Variants in LRP1B observed in about 807,000 individuals in gnomAD.
The protein encoded by LRP1B is low-density lipoprotein receptor-related protein 1B.
Under a neutral mutation model 556.6 loss-of-function variants are expected in LRP1B, and 217 were observed. The observed-to-expected ratio is 0.39, with a 90% CI of 0.35 to 0.44. The LOEUF is 0.44. LRP1B is among the 20% of genes least tolerant of loss of function. The probability of loss-of-function intolerance (pLI) is 1.00; values close to 1 mark genes in which losing one functional copy is unlikely to be tolerated. For synonymous variants in LRP1B, 2,047 were observed against 1,865.8 expected, an observed-to-expected ratio of 1.10 and a Z score of -2.50; for missense variants, 5,053 against 5,620.8, an observed-to-expected ratio of 0.90 and a Z score of 3.23.
chr2:140,684,521 G>A (rs1291426181), intron 41 of LRP1B, among the ~76,000 whole-genome samples: 3 of 152,124 alleles, frequency 2.0e-5, no homozygotes, highest in South Asian at 2.1e-4. Flanking sequence ...TAGCCCATCC[G>A]AATCCCAGTT....
chr2:141,468,838 G>A (rs1310693234), intron 3 of LRP1B, among the ~76,000 whole-genome samples: 2 of 152,090 alleles, frequency 1.3e-5, no homozygotes, highest in South Asian at 2.1e-4. Flanking sequence ...GCTCTTTAGG[G>A]CTTGTCCTTC....
intron 17 of LRP1B, among the ~76,000 whole-genome samples, chr2:140,986,447 A>G (rs1271104987): frequency 6.6e-6 from 1 of 152,144 alleles, no homozygotes; most frequent in Non-Finnish European, 1.5e-5. Flanking sequence ...AAGATAGAAA[A>G]TCAATTCACA....
At chr2:140,700,703 T>C (rs1302513914) in intron 40 of LRP1B, 82 bp from the exon 41 acceptor site, 1 of 1,423,254 alleles carries the variant, frequency 7.0e-7, no homozygotes, top group Non-Finnish European at 9.6e-7. Context: ...TAAAGAAATA[T>C]TAAAACTTTG....
At chr2:141,091,631 G>T (rs1485516595) in intron 7 of LRP1B, among the ~76,000 whole-genome samples, 1 of 152,164 alleles carries the variant, frequency 6.6e-6, no homozygotes, top group African/African-American at 2.4e-5. Context: ...ACCTGTCCAG[G>T]TTTGGGTCCT....
intron 1 of LRP1B, among the ~76,000 whole-genome samples, chr2:141,834,829 G>T (rs943416376): frequency 6.6e-6 from 1 of 151,914 alleles, no homozygotes; most frequent in Non-Finnish European, 1.5e-5. Context: ...GTGAACTCAA[G>T]AAGCAATGTA....
intron 51 of LRP1B, among the ~76,000 whole-genome samples, chr2:140,512,270 T>G (rs1689700759): frequency 6.6e-6 from 1 of 152,176 alleles, no homozygotes; most frequent in African/African-American, 2.4e-5. Flanking sequence ...CAGCTAATTT[T>G]CTGGCTCCCT....
chr2:140,357,848 G>A (rs535061889), intron 74 of LRP1B, 131 bp downstream of exon 74: 12 of 1,046,316 alleles, frequency 1.1e-5, no homozygotes, highest in South Asian at 1.0e-4. Flanking sequence ...CTTTGGCAAA[G>A]GTTTTTGAAA....
intron 3 of LRP1B, among the ~76,000 whole-genome samples, chr2:141,458,921 AT>A (rs1681743970): frequency 6.6e-6 from 1 of 152,140 alleles, no homozygotes; most frequent in African/African-American, 2.4e-5. Context: ...CTTATTTCCC[AT>A]TTTTATGCAC....
intron 2 of LRP1B, among the ~76,000 whole-genome samples, chr2:141,720,676 T>C (rs572160267): frequency 4.6e-4 from 70 of 152,242 alleles, no homozygotes; most frequent in Admixed American, 2.9e-3. Flanking sequence ...TCAAGCTGCA[T>C]TTTCATTACA....
At chr2:140,935,524 C>T (rs765015599) in intron 20 of LRP1B, among the ~76,000 whole-genome samples, 2 of 151,942 alleles carry the variant, frequency 1.3e-5, no homozygotes, top group African/African-American at 2.4e-5. Context: ...GAAAACTGAA[C>T]ACAGTATAAG....
At chr2:141,368,365 G>C (rs558192838) in intron 3 of LRP1B, among the ~76,000 whole-genome samples, 8 of 152,140 alleles carry the variant, frequency 5.3e-5, no homozygotes, top group Non-Finnish European at 1.2e-4. Flanking sequence ...AGAATGCAAA[G>C]CACTGAAAAC....
chr2:140,607,242 T>A (rs1357778537), intron 41 of LRP1B, among the ~76,000 whole-genome samples: 3 of 152,122 alleles, frequency 2.0e-5, no homozygotes, highest in Non-Finnish European at 4.4e-5. Flanking sequence ...CACTTGATAT[T>A]CATTATGACG....
At chr2:140,662,233 T>C (rs1294779237) in intron 41 of LRP1B, among the ~76,000 whole-genome samples, 1 of 152,032 alleles carries the variant, frequency 6.6e-6, no homozygotes, top group Non-Finnish European at 1.5e-5. Context: ...ACTACATTTG[T>C]ATGAGGTATT....
chr2:140,601,671 C>G (rs762853208), intron 41 of LRP1B, 32 bp from the exon 42 acceptor site: 1 of 1,463,552 alleles, frequency 6.8e-7, no homozygotes, highest in East Asian at 2.4e-5. Flanking sequence ...AAAATATATA[C>G]TTTTATTTAC....
intron 3 of LRP1B, among the ~76,000 whole-genome samples, chr2:141,459,433 T>TG (rs992842847): frequency 1.9e-4 from 29 of 152,194 alleles, no homozygotes; most frequent in African/African-American, 5.8e-4. Flanking sequence ...GGCTGAATTG[T>TG]GGGTGCAGGC....
chr2:141,512,404 C>A, intron 2 of LRP1B, among the ~76,000 whole-genome samples: 1 of 152,084 alleles, frequency 6.6e-6, no homozygotes, highest in East Asian at 1.9e-4. Flanking sequence ...GTGAGCAGAC[C>A]TTATACACAT....
intron 11 of LRP1B, 68 bp downstream of exon 11, chr2:141,048,918 A>T: frequency 8.2e-7 from 1 of 1,216,998 alleles, no homozygotes; most frequent in East Asian, 2.3e-5. Flanking sequence ...TCTGACACAC[A>T]CTGGATTTAT....
chr2:141,704,154 G>T (rs1692054916), intron 2 of LRP1B, among the ~76,000 whole-genome samples: 1 of 151,870 alleles, frequency 6.6e-6, no homozygotes, highest in African/African-American at 2.4e-5. Context: ...TAATGTTCTT[G>T]GTGAATGACT....
At position 140,315,018 on chromosome 2, in the gene LRP1B, G is replaced by A. The variant is rs1275454833; in HGVS notation, c.12722C>T (p.Pro4241Leu). Reference sequence around the variant, plus strand: ...TTCACATCTTTCTCCTGAATAACTGGGCCAACAGTGACACCTCAAATCACC... The same window carrying A: ...TTCACATCTTTCTCCTGAATAACTGAGCCAACAGTGACACCTCAAATCACC... ...EKGDLRCHCW[P>L]SYSGERCEVN... Residue 4241 changes from proline to leucine, a missense_variant, in exon 83 of 91, where the codon CCC (proline) becomes CTC (leucine). Around this residue, in one of 5 missense-constraint regions of LRP1B, gnomAD observed 551 missense variants for 592.0 expected, o/e 0.93. Coordinates refer to ENST00000389484, the MANE Select transcript of LRP1B (RefSeq NM_018557.3). 6.2e-7 allele frequency: 1 copy of A among 1,611,046 alleles called. No individual in the cohort carries two copies. Among genetic ancestry groups the A allele is most frequent in the Non-Finnish European group, 8.5e-7 (1 of 1,178,346 alleles).
Sources: gnomAD v4.1 joint callset for allele counts (sites outside exome capture counted in the v4.1 genomes callset) on GRCh38, gnomAD v4.1.1 for gene constraint, gnomAD v4.1.1 regional missense constraint, MANE v1.5 for transcripts, NCBI Gene and HGNC (gene_info 2026-07-23, HGNC 2026-07-21) for gene names.